Variants in FBXL17 observed in about 807,000 individuals in gnomAD.
FBXL17 encodes F-box and leucine rich repeat protein 17, also known as F-box/LRR-repeat protein 17.
In FBXL17, 22 loss-of-function variants were observed where a neutral mutation model predicts 66.2. That is an observed-to-expected ratio of 0.33 (90% CI 0.24 to 0.47). FBXL17 has a LOEUF of 0.47. Ranked by LOEUF, FBXL17 falls within the 20% of genes least tolerant of loss-of-function variation. The pLI is 1.00. For synonymous variants in FBXL17, 474 were observed against 400.5 expected (o/e 1.18, Z -2.19); for missense variants, 878 against 948.2 (o/e 0.93, Z 0.97).
chr5:108,137,243 T>G (rs1424186367), intron 6 of FBXL17, among the ~76,000 whole-genome samples: 1 of 152,188 alleles, frequency 6.6e-6, no homozygotes, highest in Non-Finnish European at 1.5e-5. Flanking sequence ...ATACATTATT[T>G]CATTCTGACT....
At chr5:107,894,440 C>T (rs1749306376) in intron 7 of FBXL17, among the ~76,000 whole-genome samples, 1 of 152,096 alleles carries the variant, frequency 6.6e-6, no homozygotes, top group African/African-American at 2.4e-5. Flanking sequence ...GTGGTTTTTA[C>T]CTGCCTGACA....
At chr5:108,346,719 G>C (rs1468779094) in intron 4 of FBXL17, among the ~76,000 whole-genome samples, 1 of 152,070 alleles carries the variant, frequency 6.6e-6, no homozygotes, top group Non-Finnish European at 1.5e-5. Context: ...ACAACTTAAA[G>C]ATACAGTGTC....
At chr5:108,034,306 GC>G (rs1311101838) in intron 6 of FBXL17, among the ~76,000 whole-genome samples, 1 of 152,110 alleles carries the variant, frequency 6.6e-6, no homozygotes, top group Non-Finnish European at 1.5e-5. Context: ...TTAGCATCAG[GC>G]TTTTCATTTA....
At chr5:108,108,171 C>T (rs899474955) in intron 6 of FBXL17, among the ~76,000 whole-genome samples, 3 of 152,232 alleles carry the variant, frequency 2.0e-5, no homozygotes, top group African/African-American at 7.2e-5. Context: ...GTATTTCAAA[C>T]TGCAAACATA....
At chr5:108,082,375 A>G (rs897396565) in intron 6 of FBXL17, among the ~76,000 whole-genome samples, 1 of 152,218 alleles carries the variant, frequency 6.6e-6, no homozygotes, top group Non-Finnish European at 1.5e-5. Context: ...TACACCTCAT[A>G]GCATTGTTAT....
chr5:108,210,241 T>C (rs975447726), intron 5 of FBXL17, among the ~76,000 whole-genome samples: 7 of 152,182 alleles, frequency 4.6e-5, no homozygotes, highest in African/African-American at 1.7e-4. Context: ...ATCTATTTTG[T>C]TGATCTTTTC....
intron 3 of FBXL17, among the ~76,000 whole-genome samples, chr5:108,354,075 C>T (rs1747808631): frequency 6.6e-6 from 1 of 152,084 alleles, no homozygotes; most frequent in Non-Finnish European, 1.5e-5. Context: ...CTTTGAGTAT[C>T]CTGTCAGCAC....
chr5:107,925,682 G>A (rs558045981), intron 7 of FBXL17, among the ~76,000 whole-genome samples: 11 of 152,274 alleles, frequency 7.2e-5, no homozygotes, highest in African/African-American at 2.2e-4. Flanking sequence ...GGGAATGAGC[G>A]CCAGTTGTCC....
chr5:108,127,079 G>A (rs1339918353), intron 6 of FBXL17, among the ~76,000 whole-genome samples: 2 of 152,076 alleles, frequency 1.3e-5, no homozygotes, highest in African/African-American at 4.8e-5. Flanking sequence ...TGTTGTTTAT[G>A]TGTATGTTTT....
At chr5:107,957,145 C>T (rs958954169) in intron 7 of FBXL17, among the ~76,000 whole-genome samples, 8 of 152,104 alleles carry the variant, frequency 5.3e-5, no homozygotes, top group Non-Finnish European at 8.8e-5. Flanking sequence ...CTCAACCTTT[C>T]GGTGTCACTG....
At chr5:108,201,506 CTAT>C (rs1753893615) in intron 5 of FBXL17, among the ~76,000 whole-genome samples, 1 of 152,044 alleles carries the variant, frequency 6.6e-6, no homozygotes, top group South Asian at 2.1e-4. Context: ...TTGCCTATAA[CTAT>C]TAATGTTTTT....
At chr5:107,969,248 A>T (rs1752273433) in intron 7 of FBXL17, among the ~76,000 whole-genome samples, 1 of 152,160 alleles carries the variant, frequency 6.6e-6, no homozygotes, top group African/African-American at 2.4e-5. Context: ...AGCTTTCCAT[A>T]CCGCATGGGG....
At chr5:108,254,544 G>A (rs1756494308) in intron 4 of FBXL17, among the ~76,000 whole-genome samples, 1 of 152,162 alleles carries the variant, frequency 6.6e-6, no homozygotes, top group Non-Finnish European at 1.5e-5. Context: ...CCCAAGAGAT[G>A]AAATGAACAG....
intron 4 of FBXL17, among the ~76,000 whole-genome samples, chr5:108,307,361 G>C (rs994008903): frequency 6.6e-6 from 1 of 152,074 alleles, no homozygotes; most frequent in Non-Finnish European, 1.5e-5. Flanking sequence ...CTGGAGTGCA[G>C]TGGTTGCAAT....
intron 8 of FBXL17, among the ~76,000 whole-genome samples, chr5:107,871,068 A>AAAACAAAAAC (rs1561511883): frequency 9.7e-5 from 12 of 123,970 alleles, no homozygotes; most frequent in African/African-American, 3.2e-4. Flanking sequence ...AAAAAAAAAA[A>AAAACAAAAAC]AAAAAAAAAA....
At chr5:108,168,012 G>C (rs1224801320) in intron 6 of FBXL17, among the ~76,000 whole-genome samples, 1 of 152,162 alleles carries the variant, frequency 6.6e-6, no homozygotes, top group Non-Finnish European at 1.5e-5. Context: ...GAGGAATGAG[G>C]AGATGGGAGG....
rs542634330 is a variant in FBXL17, at chr5:107,997,098, C to T, written c.1822+23827G>A. The stretch of plus-strand genomic sequence containing the variant: ...TGAAAACTTACAGCATGGAGTATTC[C>T]GGGATGAGAGATTTTATCTAAGTAG... On this transcript the variant is annotated intron_variant, in intron 7 of 8. Coordinates refer to ENST00000542267, the MANE Select transcript of FBXL17 (RefSeq NM_001163315.3). Among the ~76,000 whole-genome samples the T allele has an allele frequency of 5.3e-5, 8 of 152,182 alleles. No homozygotes were observed. The South Asian group carries it at 6.2e-4, about 12-fold the overall frequency.
chr5:107,937,112 TAATA>T (rs1260428852), intron 7 of FBXL17, among the ~76,000 whole-genome samples: 8 of 152,052 alleles, frequency 5.3e-5, no homozygotes, highest in South Asian at 4.1e-4. Flanking sequence ...AAAACCTGGG[TAATA>T]AATAAGTCAT....
intron 6 of FBXL17, 26 bp from the exon 7 acceptor site, chr5:108,021,027 C>G: frequency 1.9e-6 from 3 of 1,560,208 alleles, no homozygotes; most frequent in Non-Finnish European, 2.6e-6. Context: ...AGTGGTTATA[C>G]TAATGCGTTT....
Sources: gnomAD v4.1 joint callset for allele counts (sites outside exome capture counted in the v4.1 genomes callset) on GRCh38, gnomAD v4.1.1 for gene constraint, MANE v1.5 for transcripts, NCBI Gene and HGNC (gene_info 2026-07-23, HGNC 2026-07-21) for gene names.